The following FERMT2 variants were observed in gnomAD, a reference collection of about 807,000 sequenced individuals.
The protein encoded by FERMT2 is FERM domain containing kindlin 2, also known as fermitin family homolog 2.
FERMT2 carries 15 observed loss-of-function variants against 82.7 expected under a neutral mutation model. The ratio of observed to expected loss-of-function variants is 0.18; its 90% CI spans 0.12 to 0.28. FERMT2 has a LOEUF of 0.28. Ranked by LOEUF, FERMT2 falls within the 10% of genes least tolerant of loss-of-function variation. The probability of loss-of-function intolerance (pLI) is 1.00; values close to 1 mark genes in which losing one functional copy is unlikely to be tolerated. For synonymous variants in FERMT2, 274 were observed against 271.5 expected (o/e 1.01, Z -0.09); for missense variants, 645 against 809.4 (o/e 0.80, Z 2.46).
intron 2 of FERMT2, among the ~76,000 whole-genome samples, chr14:52,932,936 C>T (rs1395654888): frequency 6.6e-6 from 1 of 151,918 alleles, no homozygotes. Flanking sequence ...AAAAGAATAC[C>T]CAACATATAC....
chr14:52,900,078 A>G lies in FERMT2; in HGVS notation c.392-6651T>C, dbSNP rs543802002. ...CACAAAGCAATGCTCCAGAACCTCT[A>G]TAACAGAATATATAGCAATGTTTTT... is the stretch of plus-strand genomic sequence containing the variant. On this transcript the variant is annotated intron_variant, in intron 3 of 14. Transcript: ENST00000341590. Among the ~76,000 whole-genome samples the G allele has an allele frequency of 2.0e-5, 3 of 152,310 alleles. No individual in the cohort carries two copies. In the South Asian group the frequency reaches 6.2e-4, roughly 32 times the overall value.
chr14:52,890,574 G>C (rs533114492), intron 4 of FERMT2, among the ~76,000 whole-genome samples: 12 of 150,738 alleles, frequency 8.0e-5, no homozygotes, highest in African/African-American at 2.9e-4. Flanking sequence ...TTCTTACTAT[G>C]TCACAATATT....
chr14:52,900,196 C>T (rs1029272834), intron 3 of FERMT2, among the ~76,000 whole-genome samples: 2 of 151,550 alleles, frequency 1.3e-5, no homozygotes, highest in Non-Finnish European at 3.0e-5. Flanking sequence ...ACAGCAGCCT[C>T]GACTTCCCAG....
intron 3 of FERMT2, among the ~76,000 whole-genome samples, chr14:52,896,611 G>A (rs1041530430): frequency 1.3e-5 from 2 of 152,200 alleles, no homozygotes; most frequent in African/African-American, 4.8e-5. Context: ...CAGTGCCTCA[G>A]GAGGTAGTTG....
At chr14:52,933,974 G>T (rs1049979728) in intron 2 of FERMT2, among the ~76,000 whole-genome samples, 6 of 151,936 alleles carry the variant, frequency 3.9e-5, no homozygotes, top group African/African-American at 1.5e-4. Context: ...ACCAGTACCA[G>T]CTCAAATATT....
intron 4 of FERMT2, among the ~76,000 whole-genome samples, chr14:52,882,939 T>C (rs1886374534): frequency 6.6e-6 from 1 of 152,154 alleles, no homozygotes; most frequent in Admixed American, 6.6e-5. Context: ...GGCTCACTCC[T>C]GTAATCTCAG....
intron 3 of FERMT2, among the ~76,000 whole-genome samples, chr14:52,897,000 ACACACACACACACAC>A (rs2139561476): frequency 3.0e-3 from 1 of 334 alleles, no homozygotes; most frequent in African/African-American, 4.5e-3. Flanking sequence ...AACAAATAAA[ACACACACACACACAC>A]ACACACACAC....
At chr14:52,902,403 A>G (rs540247232) in intron 3 of FERMT2, among the ~76,000 whole-genome samples, 2 of 87,884 alleles carry the variant, frequency 2.3e-5, no homozygotes, top group African/African-American at 6.1e-5. Flanking sequence ...CAAAACAAAA[A>G]CAAAAAAAAA....
chr14:52,928,442 T>C (rs1196860774), intron 2 of FERMT2: 1 of 153,038 alleles, frequency 6.5e-6, no homozygotes, highest in Non-Finnish European at 1.5e-5. Flanking sequence ...CCCAGTGTTC[T>C]AGTGACAAAG....
At chr14:52,923,019 T>C (rs1889049555) in intron 2 of FERMT2, among the ~76,000 whole-genome samples, 1 of 152,184 alleles carries the variant, frequency 6.6e-6, no homozygotes, top group Admixed American at 6.5e-5. Flanking sequence ...AACCTGTACA[T>C]ATGTTACTGT....
chr14:52,922,781 T>C (rs1889037428), intron 2 of FERMT2, among the ~76,000 whole-genome samples: 1 of 152,242 alleles, frequency 6.6e-6, no homozygotes, highest in Admixed American at 6.5e-5. Flanking sequence ...TAGCAAACTA[T>C]GAATGGCCCA....
chr14:52,931,456 G>A (rs1469706051), intron 2 of FERMT2, among the ~76,000 whole-genome samples: 1 of 152,144 alleles, frequency 6.6e-6, no homozygotes, highest in Non-Finnish European at 1.5e-5. Context: ...GCACAAATTA[G>A]AGTCTGGCAG....
Position 52,919,168 on chromosome 14 carries a change from A to G in FERMT2, c.346T>C (p.Ser116Pro). ...GAAACAGCTTTGAAGACTCTATCAG[A>G]GAAATTCACTTTCACCTTCACATAC... ...MKYVKVKVNF[S>P]DRVFKAVSDI... The change falls in exon 3 of 15, where the codon TCT (serine) becomes CCT (proline). Residue 116 changes from serine (S) to proline (P), a missense_variant. Transcript: ENST00000341590. The G allele has an allele frequency of 6.2e-7, 1 of 1,614,074 alleles. No individual in the cohort carries two copies. Among genetic ancestry groups the G allele is most frequent in the Non-Finnish European group, 8.5e-7 (1 of 1,179,940 alleles).
chr14:52,902,880 AAAAAAAAAAAAC>A (rs971219917), intron 3 of FERMT2, among the ~76,000 whole-genome samples: 2 of 139,292 alleles, frequency 1.4e-5, no homozygotes, highest in Admixed American at 7.5e-5. Flanking sequence ...AAAAAAAAAA[AAAAAAAAAAAAC>A]CCCAAAACAC....
At chr14:52,861,211 A>G in intron 12 of FERMT2, 1 of 559,712 alleles carries the variant, frequency 1.8e-6, no homozygotes, top group Non-Finnish European at 3.2e-6. Context: ...GCAAGAATGA[A>G]AAATGAAAAT....
At chr14:52,871,658 G>A (rs1219338933) in intron 10 of FERMT2, 1 of 152,210 alleles carries the variant, frequency 6.6e-6, no homozygotes, top group East Asian at 1.9e-4. Flanking sequence ...CACTGAAATA[G>A]AAAATTAAGC....
At chr14:52,916,208 G>A (rs1327122154) in intron 3 of FERMT2, among the ~76,000 whole-genome samples, 1 of 152,052 alleles carries the variant, frequency 6.6e-6, no homozygotes, top group African/African-American at 2.4e-5. Flanking sequence ...GCCCGGTTTG[G>A]TGGCAGGTGC....
rs1470714910 is a variant in FERMT2 at position 52,892,825 on chromosome 14, A to T, written c.526+468T>A. Among the ~76,000 whole-genome samples, 3 of 152,204 alleles carry T rather than the reference A, an allele frequency of 2.0e-5. No homozygotes were observed. In the South Asian group the frequency reaches 6.2e-4, roughly 32 times the overall value. ...GTTTTCATGAACTAGATACTAAAAA[A>T]ATTTCCAATTTCTGCCTGAGTCCAA... is the stretch of plus-strand genomic sequence containing the variant. On this transcript the variant is annotated intron_variant, in intron 4 of 14. Transcript: ENST00000341590.
At chr14:52,878,850 A>G (rs1886127818) in intron 6 of FERMT2, among the ~76,000 whole-genome samples, 161 bp from the exon 7 acceptor site, 1 of 152,224 alleles carries the variant, frequency 6.6e-6, no homozygotes, top group Admixed American at 6.5e-5. Context: ...TATTAGAAGG[A>G]TACCTATGGG....
Sources: gnomAD v4.1 joint callset for allele counts (sites outside exome capture counted in the v4.1 genomes callset) on GRCh38, gnomAD v4.1.1 for gene constraint, MANE v1.5 for transcripts, NCBI Gene and HGNC (gene_info 2026-07-23, HGNC 2026-07-21) for gene names.